The following DAPK1 variants were observed in gnomAD, a reference collection of about 807,000 sequenced individuals.
DAPK1 encodes the protein death-associated protein kinase 1.
In DAPK1, 56 loss-of-function variants were observed where a neutral mutation model predicts 144.9. The observed-to-expected ratio is 0.39, with a 90% CI of 0.31 to 0.48. DAPK1 has a LOEUF of 0.48. DAPK1 is among the 20% of genes least tolerant of loss of function. The pLI is 0.95. For missense variants in DAPK1, 1,454 were observed against 1,875.4 expected (o/e 0.78, Z 4.15); for synonymous variants, 690 against 749.0 (o/e 0.92, Z 1.29).
chr9:87,553,945 C>CA (rs1362494763), intron 2 of DAPK1: 1 of 152,162 alleles, frequency 6.6e-6, no homozygotes, highest in Non-Finnish European at 1.5e-5. Context: ...TTCACTAGAA[C>CA]AACAAAAGGG....
At chr9:87,617,718 C>T (rs1829148635) in intron 3 of DAPK1, among the ~76,000 whole-genome samples, 1 of 152,192 alleles carries the variant, frequency 6.6e-6, no homozygotes. Flanking sequence ...CTCTAGGTCT[C>T]TCTGGAGCCC....
At chr9:87,649,853 C>T in intron 15 of DAPK1, 68 bp from the exon 16 acceptor site, 3 of 1,533,438 alleles carry the variant, frequency 2.0e-6, no homozygotes, top group Non-Finnish European at 2.7e-6. Context: ...CAGGGACTCT[C>T]ACCTTGCTTT....
At chr9:87,657,119 C>T (rs986203837) in intron 17 of DAPK1, among the ~76,000 whole-genome samples, 2 of 152,116 alleles carry the variant, frequency 1.3e-5, no homozygotes, top group African/African-American at 4.8e-5. Context: ...TTTCATGGTT[C>T]CCCTAGATCA....
intron 2 of DAPK1, among the ~76,000 whole-genome samples, chr9:87,586,842 C>T (rs1318101519): frequency 6.6e-6 from 1 of 152,122 alleles, no homozygotes; most frequent in East Asian, 1.9e-4. Context: ...TTATCATAGT[C>T]TAAACGTAGC....
chr9:87,644,294 C>G (rs1416249070), intron 11 of DAPK1, among the ~76,000 whole-genome samples: 1 of 152,146 alleles, frequency 6.6e-6, no homozygotes. Context: ...ACAAGACTTT[C>G]CCCTGACAAT....
At chr9:87,657,677 C>T (rs979423551) in intron 17 of DAPK1, 1 of 308,164 alleles carries the variant, frequency 3.2e-6, no homozygotes, top group Non-Finnish European at 6.2e-6. Context: ...CAATATCTGT[C>T]TTCCATGTCT....
intron 2 of DAPK1, among the ~76,000 whole-genome samples, chr9:87,551,435 C>T (rs906940428): frequency 5.3e-5 from 8 of 152,180 alleles, no homozygotes; most frequent in African/African-American, 1.2e-4. Context: ...CGTGAGTCAC[C>T]GTGCGCAGCC....
chr9:87,651,569 A>G lies in DAPK1; in HGVS notation c.1669A>G (p.Met557Val), dbSNP rs751299863. ...TCATCTGGCTGTAAGACGGTGTCAG[A>G]TGGAGGTAATCAAGACTCTCCTCAG... Reference protein sequence around the residue: ...ALHLAVRRCQMEVIKTLLSQG... With the variant: ...ALHLAVRRCQVEVIKTLLSQG... Residue 557 changes from methionine (M) to valine (V), a missense_variant, in exon 17 of 26, where the codon ATG becomes GTG. Physicochemically the swap from Met to Val is conservative, Grantham distance 21 (BLOSUM62 1). Around this residue, in one of 2 missense-constraint regions of DAPK1, gnomAD observed 1,025 missense variants for 1,237.9 expected, o/e 0.83. Transcript: ENST00000408954. 2 of 1,614,072 alleles carry G rather than the reference A, an allele frequency of 1.2e-6. No homozygotes were observed. The highest frequency in any genetic ancestry group is 1.1e-5 in the South Asian group (1 of 91,090).
intron 3 of DAPK1, among the ~76,000 whole-genome samples, chr9:87,615,045 T>G (rs1194390062): frequency 6.6e-6 from 1 of 152,150 alleles, no homozygotes; most frequent in Non-Finnish European, 1.5e-5. Flanking sequence ...GAGCATTGCT[T>G]TATTAGATCA....
intron 2 of DAPK1, among the ~76,000 whole-genome samples, chr9:87,576,497 C>T (rs1226579059): frequency 6.6e-6 from 1 of 152,176 alleles, no homozygotes. Context: ...GCATTTTGGC[C>T]TCTGCCCCTC....
At chr9:87,674,195 C>T (rs539569954) in intron 19 of DAPK1, among the ~76,000 whole-genome samples, 15 of 152,082 alleles carry the variant, frequency 9.9e-5, no homozygotes, top group African/African-American at 3.4e-4. Flanking sequence ...TCAGATTTTC[C>T]GTAAGCCTGA....
At chr9:87,647,453 A>C in intron 14 of DAPK1, 50 bp downstream of exon 14, 1 of 1,496,002 alleles carries the variant, frequency 6.7e-7, no homozygotes, top group Non-Finnish European at 9.3e-7. Flanking sequence ...AAATGGATGC[A>C]TGTGAGTGTG....
chr9:87,636,459 T>C (rs1414579498), intron 3 of DAPK1, among the ~76,000 whole-genome samples: 1 of 152,212 alleles, frequency 6.6e-6, no homozygotes, highest in African/African-American at 2.4e-5. Context: ...TTAAAGATGC[T>C]GAGTTTTCTG....
intron 3 of DAPK1, among the ~76,000 whole-genome samples, chr9:87,626,955 G>A (rs1829514244): frequency 6.6e-6 from 1 of 152,158 alleles, no homozygotes; most frequent in Non-Finnish European, 1.5e-5. Context: ...GTAGGGATGG[G>A]GAGGGCCAGT....
chr9:87,583,125 T>C (rs1827812227), intron 2 of DAPK1, among the ~76,000 whole-genome samples: 2 of 151,978 alleles, frequency 1.3e-5, no homozygotes, highest in African/African-American at 4.8e-5. Flanking sequence ...GGCAAAGAAA[T>C]GGTAAATAAG....
intron 2 of DAPK1, among the ~76,000 whole-genome samples, chr9:87,563,385 G>T (rs1043254289): frequency 1.3e-5 from 2 of 152,190 alleles, no homozygotes; most frequent in African/African-American, 4.8e-5. Flanking sequence ...GATACAGTGT[G>T]AACACCTGCA....
In DAPK1 at chr9:87,658,109, C is replaced by A; in HGVS notation, c.1905C>A (p.Ser635Arg). ...VVRYLCLMGA[S>R]VEALTTDGKT... ...GGTATCTCTGTCTGATGGGAGCCAG[C>A]GTTGAGGCGCTGACCACGGTGAGTG... The change falls in exon 18 of 26, where the codon AGC (serine) becomes AGA (arginine). Residue 635 changes from serine (S) to arginine (R), a missense_variant. Transcript: ENST00000408954. 3 of 1,459,322 alleles carry A rather than the reference C, an allele frequency of 2.1e-6. No individual in the cohort carries two copies. The highest frequency in any genetic ancestry group is 2.9e-6 in the Non-Finnish European group (3 of 1,040,342). 90.4% of individuals were successfully genotyped at this position (1,459,322 alleles called of 1,614,324 possible). A position where few individuals can be genotyped will look rare whatever the true frequency, so the allele number is the denominator to read the frequency against.
chr9:87,668,804 G>A, intron 19 of DAPK1, 130 bp downstream of exon 19: 2 of 707,006 alleles, frequency 2.8e-6, no homozygotes, highest in Non-Finnish European at 5.1e-6. Context: ...AGTGGTCCCT[G>A]TCCTGTGGTT....
chr9:87,576,864 ATCTCGGT>A (rs1273186925), intron 2 of DAPK1, among the ~76,000 whole-genome samples: 1 of 151,870 alleles, frequency 6.6e-6, no homozygotes, highest in Admixed American at 6.6e-5. Context: ...CTGGCCCTGG[ATCTCGGT>A]TTTAATTGTC....
Sources: allele counts gnomAD v4.1 joint callset (sites outside exome capture counted in the v4.1 genomes callset), GRCh38; gene constraint gnomAD v4.1.1; regional missense constraint gnomAD v4.1.1; transcripts MANE v1.5; gene names NCBI Gene and HGNC (gene_info 2026-07-23, HGNC 2026-07-21).